MIPOL1: variants seen among roughly 807,000 people sequenced by gnomAD.
MIPOL1 encodes the protein mirror-image polydactyly gene 1 protein.
Under a neutral mutation model 60.9 loss-of-function variants are expected in MIPOL1, and 57 were observed. That is an observed-to-expected ratio of 0.94 (90% CI 0.76 to 1.17). MIPOL1 has a LOEUF of 1.17. Ranked by LOEUF, MIPOL1 falls within the 50% of genes most tolerant of loss-of-function variation. The probability of loss-of-function intolerance (pLI) is 0.00; values close to 1 mark genes in which losing one functional copy is unlikely to be tolerated. For missense variants in MIPOL1, 551 were observed against 511.6 expected (o/e 1.08, Z -0.74); for synonymous variants, 179 against 168.8 (o/e 1.06, Z -0.47).
At chr14:37,374,983 A>G (rs576749345) in intron 10 of MIPOL1, among the ~76,000 whole-genome samples, 56 of 152,086 alleles carry the variant, frequency 3.7e-4, no homozygotes, top group African/African-American at 1.3e-3. Flanking sequence ...CAATATGGCT[A>G]TTTTCACGAT....
In MIPOL1 at chr14:37,458,029, A is replaced by G. The variant is rs759241596; in HGVS notation, c.1031+35080A>G. ...ATGGAAAACAAAAATGAGCAAGAGT[A>G]GCTATACTTATATCAGATAAAACAG... is the stretch of plus-strand genomic sequence containing the variant. On this transcript the variant is annotated intron_variant, in intron 11 of 12. Coordinates refer to ENST00000684589, the MANE Select transcript of MIPOL1 (RefSeq NM_001388067.1). Among the ~76,000 whole-genome samples the G allele has an allele frequency of 2.2e-4, 34 of 152,306 alleles. 1 individual carries two copies. The highest frequency in any genetic ancestry group is 6.2e-4 in the South Asian group (3 of 4,830).
At chr14:37,471,464 G>A (rs924394448) in intron 11 of MIPOL1, among the ~76,000 whole-genome samples, 5 of 152,172 alleles carry the variant, frequency 3.3e-5, no homozygotes, top group Non-Finnish European at 5.9e-5. Context: ...AGAGGAGGGT[G>A]AGGTGAGGCT....
chr14:37,404,998 CT>C (rs905458821), intron 10 of MIPOL1, among the ~76,000 whole-genome samples: 2 of 151,870 alleles, frequency 1.3e-5, no homozygotes, highest in Non-Finnish European at 2.9e-5. Flanking sequence ...TCTCTCCTCA[CT>C]TTTTTTTTCT....
chr14:37,348,446 A>G (rs2091099341), intron 9 of MIPOL1, among the ~76,000 whole-genome samples: 5 of 152,152 alleles, frequency 3.3e-5, no homozygotes, highest in Admixed American at 6.6e-5. Flanking sequence ...GAAAATTAAG[A>G]TAATTCACCA....
chr14:37,261,973 CT>C (rs1555373221), intron 3 of MIPOL1, among the ~76,000 whole-genome samples: 1 of 151,892 alleles, frequency 6.6e-6, no homozygotes, highest in East Asian at 1.9e-4. Flanking sequence ...ATGGTCTAAA[CT>C]TTTATCTTGT....
At chr14:37,338,302 A>C (rs2090330587) in intron 9 of MIPOL1, among the ~76,000 whole-genome samples, 1 of 148,836 alleles carries the variant, frequency 6.7e-6, no homozygotes, top group Non-Finnish European at 1.5e-5. Context: ...AGTACAGACC[A>C]GGTTTCACCA....
At chr14:37,523,207 T>C (rs1264816069) in intron 12 of MIPOL1, among the ~76,000 whole-genome samples, 1 of 152,142 alleles carries the variant, frequency 6.6e-6, no homozygotes, top group Non-Finnish European at 1.5e-5. Context: ...CTAGCCCATC[T>C]GTCTGCCTAA....
chr14:37,259,662 T>A (rs1213346780), intron 3 of MIPOL1, among the ~76,000 whole-genome samples: 1 of 152,060 alleles, frequency 6.6e-6, no homozygotes, highest in Non-Finnish European at 1.5e-5. Flanking sequence ...AAAATCTGGG[T>A]AGTCCAAACT....
intron 6 of MIPOL1, among the ~76,000 whole-genome samples, chr14:37,273,483 T>C (rs1007679150): frequency 1.3e-5 from 2 of 151,316 alleles, no homozygotes; most frequent in Non-Finnish European, 3.0e-5. Flanking sequence ...TGCCATTTTT[T>C]ACCCACACCC....
chr14:37,329,027 G>A (rs2089444599), intron 9 of MIPOL1, among the ~76,000 whole-genome samples: 1 of 152,116 alleles, frequency 6.6e-6, no homozygotes, highest in Admixed American at 6.6e-5. Context: ...AAGGGAAAGA[G>A]CTAAGTCATA....
At chr14:37,288,802 G>GA (rs56177926) in intron 7 of MIPOL1, among the ~76,000 whole-genome samples, 53 of 144,412 alleles carry the variant, frequency 3.7e-4, no homozygotes, top group Admixed American at 6.9e-4. Context: ...CCTGTCTCAA[G>GA]AAAAAAAAAA....
At chr14:37,509,687 C>A (rs1454508644) in intron 12 of MIPOL1, among the ~76,000 whole-genome samples, 1 of 98,916 alleles carries the variant, frequency 1.0e-5, no homozygotes, top group Non-Finnish European at 2.0e-5. Context: ...TGTATATATA[C>A]TTATAGGTGA....
intron 12 of MIPOL1, among the ~76,000 whole-genome samples, chr14:37,510,397 T>C (rs1347885850): frequency 2.0e-5 from 3 of 151,728 alleles, no homozygotes; most frequent in Admixed American, 1.3e-4. Context: ...TTGGTGTTTT[T>C]TTTGTTTTGT....
At chr14:37,312,485 C>T (rs1025045810) in intron 9 of MIPOL1, among the ~76,000 whole-genome samples, 1 of 152,104 alleles carries the variant, frequency 6.6e-6, no homozygotes, top group African/African-American at 2.4e-5. Context: ...GAACTTTAGT[C>T]ACATTCCATA....
intron 10 of MIPOL1, among the ~76,000 whole-genome samples, chr14:37,373,135 C>T (rs1167778053): frequency 6.6e-6 from 1 of 152,026 alleles, no homozygotes; most frequent in Non-Finnish European, 1.5e-5. Flanking sequence ...TCCTGAGTAG[C>T]TGAGATTACA....
intron 3 of MIPOL1, among the ~76,000 whole-genome samples, chr14:37,266,550 A>G (rs1343646511): frequency 6.6e-6 from 1 of 152,234 alleles, no homozygotes; most frequent in East Asian, 1.9e-4. Context: ...TACTGAAAGC[A>G]TTATCAAAAT....
intron 1 of MIPOL1, among the ~76,000 whole-genome samples, chr14:37,232,469 A>G (rs2153318505): frequency 6.6e-6 from 1 of 152,292 alleles, no homozygotes; most frequent in Middle Eastern, 3.4e-3. Context: ...TATTCCAATG[A>G]TCACCAGGAC....
At chr14:37,242,112 A>G (rs1487409803) in intron 1 of MIPOL1, among the ~76,000 whole-genome samples, 2 of 151,922 alleles carry the variant, frequency 1.3e-5, no homozygotes, top group Non-Finnish European at 1.5e-5. Flanking sequence ...ATGTCCTTCA[A>G]GGTTTCCTAT....
At chr14:37,356,648 C>T (rs949060461) in intron 9 of MIPOL1, among the ~76,000 whole-genome samples, 10 of 152,180 alleles carry the variant, frequency 6.6e-5, no homozygotes, top group African/African-American at 1.4e-4. Flanking sequence ...GCGCAGTATT[C>T]GGGTGGGAGT....
Sources: allele counts gnomAD v4.1 joint callset (sites outside exome capture counted in the v4.1 genomes callset), GRCh38; gene constraint gnomAD v4.1.1; transcripts MANE v1.5; gene names NCBI Gene and HGNC (gene_info 2026-07-23, HGNC 2026-07-21).